NHLRC2: variants seen among roughly 807,000 people sequenced by gnomAD.
NHLRC2 encodes the protein NHL repeat containing 2.
Under a neutral mutation model 68.1 loss-of-function variants are expected in NHLRC2, and 33 were observed. That is an observed-to-expected ratio of 0.48 (90% CI 0.37 to 0.65). The LOEUF is 0.65. Among genes scored for constraint, NHLRC2 ranks in the 30% least tolerant of loss-of-function variants. The pLI is 0.00. For synonymous variants in NHLRC2, 311 were observed against 309.6 expected (o/e 1.00, Z -0.05); for missense variants, 761 against 853.8 (o/e 0.89, Z 1.35).
At chr10:113,877,384 G>T (rs1845994193) in intron 3 of NHLRC2, among the ~76,000 whole-genome samples, 1 of 151,796 alleles carries the variant, frequency 6.6e-6, no homozygotes, top group African/African-American at 2.4e-5. Context: ...GATCATGTCA[G>T]TGCCCCATGA....
intron 5 of NHLRC2, among the ~76,000 whole-genome samples, chr10:113,892,226 A>T (rs1171201943): frequency 6.6e-6 from 1 of 152,062 alleles, no homozygotes; most frequent in African/African-American, 2.4e-5. Flanking sequence ...TTTCATGTTG[A>T]TATTTCTTTT....
At chr10:113,864,936 A>C (rs186665388) in intron 2 of NHLRC2, among the ~76,000 whole-genome samples, 1 of 151,346 alleles carries the variant, frequency 6.6e-6, no homozygotes, top group African/African-American at 2.4e-5. Flanking sequence ...AACAAATGCT[A>C]CAAATCAGAG....
At chr10:113,857,244 G>A (rs1025969824) in intron 1 of NHLRC2, among the ~76,000 whole-genome samples, 1 of 151,990 alleles carries the variant, frequency 6.6e-6, no homozygotes, top group Admixed American at 6.6e-5. Context: ...AGCCACTCTT[G>A]ACTATTTACA....
rs144060858 is a variant in NHLRC2 at position 113,878,138 on chromosome 10, C to T, written c.787+1162C>T. Among the ~76,000 whole-genome samples the T allele has an allele frequency of 6.1e-3, 921 of 152,220 alleles. 7 individuals carry two copies. Among genetic ancestry groups the T allele is most frequent in the African/African-American group, 0.021 (865 of 41,560 alleles). On this transcript the variant is annotated intron_variant, in intron 3 of 10. Coordinates refer to ENST00000369301, the MANE Select transcript of NHLRC2 (RefSeq NM_198514.4). ...TCTTTGGTCAGATACACTCAGGAAA[C>T]ACTTTTAATGTTATCAGATTTTTAT... is the stretch of plus-strand genomic sequence containing the variant.
At chr10:113,867,663 G>A in intron 2 of NHLRC2, among the ~76,000 whole-genome samples, 1 of 152,114 alleles carries the variant, frequency 6.6e-6, no homozygotes, top group East Asian at 1.9e-4. Flanking sequence ...CCTCTGCCTG[G>A]AATCATCGTC....
chr10:113,865,292 C>CG (rs1564850720), intron 2 of NHLRC2, among the ~76,000 whole-genome samples: 1 of 140,882 alleles, frequency 7.1e-6, no homozygotes, highest in African/African-American at 2.6e-5. Flanking sequence ...CCCCCCCCCC[C>CG]GTTCCTCTCA....
chr10:113,899,723 G>C (rs958630388), intron 6 of NHLRC2, among the ~76,000 whole-genome samples: 97 of 152,064 alleles, frequency 6.4e-4, no homozygotes, highest in African/African-American at 2.3e-3. Context: ...TTCGAGACCA[G>C]AATGACAATA....
Position 113,903,577 on chromosome 10 carries a change from T to C in NHLRC2, c.1545T>C (p.Thr515=). The C allele has an allele frequency of 3.1e-6, 5 of 1,612,876 alleles. No individual in the cohort carries two copies. The highest frequency in any genetic ancestry group is 4.2e-6 in the Non-Finnish European group (5 of 1,179,190). Residue 515 remains threonine (T), a synonymous_variant, in exon 9 of 11, where the codon ACT becomes ACC. Coordinates refer to ENST00000369301, the MANE Select transcript of NHLRC2 (RefSeq NM_198514.4). ...AAAACTGTACAACATTAGCAGGAACTGGAGACACAAATAATGTTACCAGTT... is the reference window on the plus strand; with the variant it reads ...AAAACTGTACAACATTAGCAGGAACCGGAGACACAAATAATGTTACCAGTT... ...KTKNCTTLAG[T]GDTNNVTSSS... is the part of the protein sequence containing the mutation.
In NHLRC2 at chr10:113,901,532, A is replaced by T. The variant is rs533716766; in HGVS notation, c.1140-134A>T. On this transcript the variant is annotated intron_variant, in intron 6 of 10. Coordinates refer to ENST00000369301, the MANE Select transcript of NHLRC2 (RefSeq NM_198514.4). ...GAAAGCTGACTTGAACAATTTAACT[A>T]GACCAAGATCACTAGTTTGTTTTTT... 245 of 643,308 alleles carry T rather than the reference A, an allele frequency of 3.8e-4. 2 individuals are homozygous for T. Among genetic ancestry groups the T allele is most frequent in the Admixed American group, 1.6e-3 (58 of 35,432 alleles). 39.8% of individuals were successfully genotyped at this position (643,308 alleles called of 1,614,324 possible). A position where few individuals can be genotyped will look rare whatever the true frequency, so the allele number is the denominator to read the frequency against.
rs115373086 is a variant in NHLRC2 at position 113,916,480 on chromosome 10, A to G, written c.*7944A>G. Reference sequence around the variant, plus strand: ...AGGGGAACAATACCCCATGAGTTCAAATTAATTTTCTCTACTTTGAGGTAT... The same window carrying G: ...AGGGGAACAATACCCCATGAGTTCAGATTAATTTTCTCTACTTTGAGGTAT... On this transcript the variant is annotated 3_prime_UTR_variant, in exon 11 of 11. Coordinates refer to ENST00000369301, the MANE Select transcript of NHLRC2 (RefSeq NM_198514.4). The G allele has an allele frequency of 2.7e-3, 413 of 152,290 alleles. 2 individuals carry two copies. The highest frequency in any genetic ancestry group is 9.7e-3 in the African/African-American group (402 of 41,568). The allele number at this position is 152,290 out of a possible 1,614,324, so 9.4% of individuals were successfully genotyped here. A position where few individuals can be genotyped will look rare whatever the true frequency, so the allele number is the denominator to read the frequency against.
chr10:113,890,078 G>A (rs946383937), intron 5 of NHLRC2, among the ~76,000 whole-genome samples: 9 of 152,274 alleles, frequency 5.9e-5, no homozygotes, highest in Non-Finnish European at 1.2e-4. Context: ...TGGGTCATAT[G>A]GTAAGTGAAT....
In NHLRC2 at chr10:113,871,900, A is replaced by G. The variant is rs576648881; in HGVS notation, c.332-4621A>G. 1.5e-4 allele frequency among the ~76,000 whole-genome samples: 23 copies of G among 152,338 alleles called. 2 individuals are homozygous for G. The South Asian group carries it at 4.8e-3, about 32-fold the overall frequency. On this transcript the variant is annotated intron_variant, in intron 2 of 10. Coordinates refer to ENST00000369301, the MANE Select transcript of NHLRC2 (RefSeq NM_198514.4). The stretch of plus-strand genomic sequence containing the variant: ...AGATGGAAGTTCAGAAATAAACTAA[A>G]TTCCCATAAAGGTTCTATTGCTGTA...
chr10:113,892,806 T>G (rs552987362), intron 5 of NHLRC2, among the ~76,000 whole-genome samples: 1 of 152,184 alleles, frequency 6.6e-6, no homozygotes, highest in African/African-American at 2.4e-5. Flanking sequence ...GTTGTGTGAC[T>G]TTGGACAAGT....
At position 113,866,216 on chromosome 10, in the gene NHLRC2, C is replaced by T. The variant is rs1320128208; in HGVS notation, c.331+7536C>T. Among the ~76,000 whole-genome samples, 3 of 152,282 alleles carry T rather than the reference C, an allele frequency of 2.0e-5. No individual in the cohort carries two copies. In the East Asian group the frequency reaches 5.8e-4, roughly 29 times the overall value. On this transcript the variant is annotated intron_variant, in intron 2 of 10. Transcript: ENST00000369301. ...TGCCAAGAAGTTTGAAAGCAAAAAG[C>T]AAAACCTACTTAATAGGAATGAATT...
intron 5 of NHLRC2, among the ~76,000 whole-genome samples, chr10:113,897,616 G>A (rs186780649): frequency 6.4e-4 from 98 of 152,194 alleles, no homozygotes; most frequent in East Asian, 5.8e-3. Context: ...GTTCATTTTC[G>A]TAGTCCCGGG....
chr10:113,882,643 G>T (rs183826847), intron 4 of NHLRC2, among the ~76,000 whole-genome samples: 1 of 151,606 alleles, frequency 6.6e-6, no homozygotes, highest in East Asian at 1.9e-4. Context: ...TTTTCTGCTT[G>T]CCTTTATACT....
At chr10:113,900,129 CT>C (rs1846215480) in intron 6 of NHLRC2, among the ~76,000 whole-genome samples, 1 of 151,988 alleles carries the variant, frequency 6.6e-6, no homozygotes, top group Non-Finnish European at 1.5e-5. Context: ...CTTGTGAGTA[CT>C]TTTAGGGATC....
intron 5 of NHLRC2, among the ~76,000 whole-genome samples, chr10:113,887,374 C>G (rs1024346483): frequency 1.3e-5 from 2 of 152,178 alleles, no homozygotes; most frequent in African/African-American, 4.8e-5. Flanking sequence ...ATTGCTGTGT[C>G]ATAGAGATAT....
chr10:113,865,052 C>T (rs888034863), intron 2 of NHLRC2, among the ~76,000 whole-genome samples: 10 of 151,562 alleles, frequency 6.6e-5, no homozygotes, highest in Non-Finnish European at 1.3e-4. Context: ...CGGGTTCAAG[C>T]GATTCTCCTA....
Sources: allele counts gnomAD v4.1 joint callset (sites outside exome capture counted in the v4.1 genomes callset), GRCh38; gene constraint gnomAD v4.1.1; transcripts MANE v1.5; gene names NCBI Gene and HGNC (gene_info 2026-07-23, HGNC 2026-07-21).